GAK: variants seen among roughly 807,000 people sequenced by gnomAD.
GAK encodes the protein cyclin G associated kinase, also known as cyclin-G-associated kinase.
GAK carries 79 observed loss-of-function variants against 143.9 expected under a neutral mutation model. That is an observed-to-expected ratio of 0.55 (90% confidence interval 0.46 to 0.66). The LOEUF is 0.66. GAK is among the 30% of genes least tolerant of loss of function. The probability of loss-of-function intolerance (pLI) is 0.00; values close to 1 mark genes in which losing one functional copy is unlikely to be tolerated. For synonymous variants in GAK, 881 were observed against 765.5 expected (o/e 1.15, Z -2.49); for missense variants, 1,693 against 1,779.7 (o/e 0.95, Z 0.88).
intron 9 of GAK, 76 bp from the exon 10 acceptor site, chr4:890,698 T>C (rs2152847000): frequency 8.2e-7 from 1 of 1,217,394 alleles, no homozygotes. Flanking sequence ...AGAGGTACGG[T>C]ATGGGTGCCC....
Position 881,954 on chromosome 4 carries a change from C to T in GAK, c.1614G>A (p.Met538Ile). 1 of 1,600,190 alleles carries T rather than the reference C, an allele frequency of 6.2e-7. No homozygotes were observed. Among genetic ancestry groups the T allele is most frequent in the Non-Finnish European group, 8.5e-7 (1 of 1,173,582 alleles). Reference sequence around the variant, plus strand: ...CTGGTGGGCAGCGCTTCATGCTGAACATGTACACGGCGGCCTCCGCGGTGC... The same window carrying T: ...CTGGTGGGCAGCGCTTCATGCTGAATATGTACACGGCGGCCTCCGCGGTGC... ...LFSTAEAAVY[M>I]FSMKRCPPGI... The change falls in exon 15 of 28, where the codon ATG becomes ATA. Residue 538 changes from methionine (M) to isoleucine (I), a missense_variant. Transcript: ENST00000314167.
At chr4:904,816 C>G in intron 4 of GAK, 37 bp from the exon 5 acceptor site, 1 of 1,605,778 alleles carries the variant, frequency 6.2e-7, no homozygotes, top group Non-Finnish European at 8.5e-7. Context: ...GGCAGGAGAA[C>G]AGGGTCCGGA....
At chr4:914,548 C>T (rs1722715566) in intron 1 of GAK, among the ~76,000 whole-genome samples, 2 of 120,638 alleles carry the variant, frequency 1.7e-5, no homozygotes, top group Admixed American at 8.5e-5. Context: ...ACACACACAG[C>T]CCCAGCGTGC....
chr4:883,974 G>A, intron 12 of GAK, 63 bp downstream of exon 12: 1 of 1,424,830 alleles, frequency 7.0e-7, no homozygotes, highest in South Asian at 1.2e-5. Flanking sequence ...CACACAACAG[G>A]GACTCACTGG....
intron 24 of GAK, among the ~76,000 whole-genome samples, chr4:857,377 G>A (rs1749476879): frequency 6.6e-6 from 1 of 152,144 alleles, no homozygotes; most frequent in South Asian, 2.1e-4. Context: ...TCCTGTGAGA[G>A]GGTGGAATTG....
At chr4:853,575 G>A (rs1748569626) in intron 24 of GAK, 1 of 151,752 alleles carries the variant, frequency 6.6e-6, no homozygotes, top group South Asian at 2.1e-4. Context: ...CAAGGCGTGA[G>A]GCACGCGGCT....
In GAK at chr4:865,024, T is replaced by C. The variant is rs1038362078; in HGVS notation, c.3166+98A>G. 7 of 1,472,728 alleles carry C rather than the reference T, an allele frequency of 4.8e-6. No homozygotes were observed. The South Asian group carries it at 7.8e-5, about 16-fold the overall frequency. 91.2% of individuals were successfully genotyped at this position (1,472,728 alleles called of 1,614,324 possible). On this transcript the variant is annotated intron_variant, in intron 23 of 27. Transcript: ENST00000314167. Reference sequence around the variant, plus strand: ...ACGCCCCAGCCCTTCCTTCCTTCTCTGCGCAGAGAGGGCCCTGTTACAGGT... The same window carrying C: ...ACGCCCCAGCCCTTCCTTCCTTCTCCGCGCAGAGAGGGCCCTGTTACAGGT...
At chr4:853,325 T>C (rs1194733176) in intron 24 of GAK, 1 of 152,336 alleles carries the variant, frequency 6.6e-6, no homozygotes, top group East Asian at 1.9e-4. Flanking sequence ...GACACGTCTC[T>C]GAACGCCTGT....
At chr4:909,098 C>T (rs565286617) in intron 4 of GAK, among the ~76,000 whole-genome samples, 15 of 152,366 alleles carry the variant, frequency 9.8e-5, no homozygotes, top group African/African-American at 3.4e-4. Context: ...GCACCCGCCT[C>T]GGCCTCCCAA....
chr4:900,109 G>GA (rs1191408779), intron 5 of GAK, among the ~76,000 whole-genome samples: 4 of 152,274 alleles, frequency 2.6e-5, no homozygotes, highest in Non-Finnish European at 5.9e-5. Context: ...GAAGGCCCAG[G>GA]AGTGCCCATC....
intron 22 of GAK, among the ~76,000 whole-genome samples, 182 bp downstream of exon 22, chr4:866,182 G>A (rs1751131140): frequency 6.6e-6 from 1 of 152,238 alleles, no homozygotes; most frequent in African/African-American, 2.4e-5. Context: ...GACAGAGCAG[G>A]GAGCAGTCTG....
intron 10 of GAK, among the ~76,000 whole-genome samples, 173 bp downstream of exon 10, chr4:890,359 C>A (rs992949255): frequency 1.3e-5 from 2 of 152,178 alleles, no homozygotes; most frequent in Non-Finnish European, 2.9e-5. Flanking sequence ...CTGTGAGCCC[C>A]AGGGAACTGC....
chr4:864,283 C>A (rs1321759709), intron 23 of GAK, among the ~76,000 whole-genome samples: 1 of 152,158 alleles, frequency 6.6e-6, no homozygotes, highest in African/African-American at 2.4e-5. Flanking sequence ...ATCGCTTGAG[C>A]CCAGGAGGTC....
At chr4:912,867 A>T in intron 2 of GAK, 73 bp from the exon 3 acceptor site, 1 of 1,284,788 alleles carries the variant, frequency 7.8e-7, no homozygotes, top group Non-Finnish European at 1.1e-6. Context: ...GCATCATCTC[A>T]GACATAAGCA....
At chr4:884,557 G>A (rs1229853538) in intron 11 of GAK, among the ~76,000 whole-genome samples, 1 of 152,200 alleles carries the variant, frequency 6.6e-6, no homozygotes, top group Non-Finnish European at 1.5e-5. Context: ...AGGCAGAGAG[G>A]GCCCCCTGCC....
chr4:894,271 T>C lies in GAK; in HGVS notation c.742-262A>G, dbSNP rs140032537. 742 of 241,142 alleles carry C rather than the reference T, an allele frequency of 3.1e-3. 4 individuals are homozygous for C. Among genetic ancestry groups the C allele is most frequent in the Middle Eastern group, 9.3e-3 (8 of 862 alleles). 14.9% of individuals were successfully genotyped at this position (241,142 alleles called of 1,614,324 possible). On this transcript the variant is annotated intron_variant, in intron 7 of 27. Coordinates refer to ENST00000314167, the MANE Select transcript of GAK (RefSeq NM_005255.4). ...GCCGCGGGGAGCGCAGGGGTGACGT[T>C]GGGGCCGTGGGGAGCGCAGGGGTGA...
chr4:868,607 G>C lies in GAK; in HGVS notation c.2327C>G (p.Thr776Arg). The C allele has an allele frequency of 6.3e-7, 1 of 1,596,532 alleles. No individual in the cohort carries two copies. Among genetic ancestry groups the C allele is most frequent in the Non-Finnish European group, 8.5e-7 (1 of 1,172,066 alleles). Reference protein sequence around the residue: ...AGAGSPEAEPTDSDSPPSSSA... With the variant: ...AGAGSPEAEPRDSDSPPSSSA... ...GCTGCTTGGCGGTGAGTCAGAGTCT[G>C]TGGGTTCGGCTTCCGGGGACCCTGC... Residue 776 changes from threonine to arginine, a missense_variant, in exon 20 of 28, where the codon ACA becomes AGA. Around this residue, in one of 2 missense-constraint regions of GAK, gnomAD observed 822 missense variants for 788.7 expected, o/e 1.04. Transcript: ENST00000314167.
chr4:911,901 C>A, intron 3 of GAK, 114 bp from the exon 4 acceptor site: 1 of 818,930 alleles, frequency 1.2e-6, no homozygotes, highest in East Asian at 2.8e-5. Context: ...GAATCGAACC[C>A]TTACAATTTT....
At chr4:915,002 A>C (rs1722868956) in intron 1 of GAK, among the ~76,000 whole-genome samples, 1 of 108,048 alleles carries the variant, frequency 9.3e-6, no homozygotes. Context: ...CCCAACACAC[A>C]CAGCCCCAGC....
Sources: allele counts gnomAD v4.1 joint callset (sites outside exome capture counted in the v4.1 genomes callset), GRCh38; gene constraint gnomAD v4.1.1; regional missense constraint gnomAD v4.1.1; transcripts MANE v1.5; gene names NCBI Gene and HGNC (gene_info 2026-07-23, HGNC 2026-07-21).